Variants in PTER observed in about 807,000 individuals in gnomAD.
PTER encodes N-acetyltaurine hydrolase.
PTER carries 38 observed loss-of-function variants against 29.6 expected under a neutral mutation model. The ratio of observed to expected loss-of-function variants is 1.28; its 90% confidence interval spans 0.99 to 1.68. The LOEUF (loss-of-function observed/expected upper bound fraction) is 1.68, where lower values mean the gene tolerates loss of function less well. Ranked by LOEUF, PTER falls within the 40% of genes most tolerant of loss-of-function variation. The probability of loss-of-function intolerance (pLI) is 0.00; values close to 1 mark genes in which losing one functional copy is unlikely to be tolerated. For missense variants in PTER, 482 were observed against 427.8 expected (o/e 1.13, Z -1.12); for synonymous variants, 172 against 154.5 (o/e 1.11, Z -0.84).
rs556803644 is a variant in PTER, at chr10:16,482,018, T to C, written c.-48-2319T>C. 5.6e-4 allele frequency among the ~76,000 whole-genome samples: 86 copies of C among 152,318 alleles called. 1 individual carries two copies. Among genetic ancestry groups the C allele is most frequent in the African/African-American group, 1.9e-3 (77 of 41,584 alleles). ...ATTGCCCTGTATAGTGCCTGGCAGC[T>C]GTGTGGTGATTCTCTGAAGAGACAC... On this transcript the variant is annotated intron_variant, in intron 1 of 4. Transcript: ENST00000535784.
Position 16,484,650 on chromosome 10 carries a change from C to A in PTER, c.266C>A (p.Ala89Asp). Reference sequence around the variant, plus strand: ...AAGGAAGAACTGTTGTATTTTAAAGCTAATGGTGGAGGGGCTTTGGTGGAA... The same window carrying A: ...AAGGAAGAACTGTTGTATTTTAAAGATAATGGTGGAGGGGCTTTGGTGGAA... ...AIKEELLYFK[A>D]NGGGALVENT... The change falls in exon 2 of 5, where the codon GCT becomes GAT. Residue 89 changes from alanine to aspartate, a missense_variant. Physicochemically the swap from Ala to Asp is moderately radical, Grantham distance 126 (BLOSUM62 -2). Transcript: ENST00000535784. 1 of 1,614,102 alleles carries A rather than the reference C, an allele frequency of 6.2e-7. No individual in the cohort carries two copies. The highest frequency in any genetic ancestry group is 8.5e-7 in the Non-Finnish European group (1 of 1,180,008).
chr10:16,457,381 T>G (rs573400075), intron 1 of PTER, among the ~76,000 whole-genome samples: 31 of 151,746 alleles, frequency 2.0e-4, no homozygotes, highest in African/African-American at 7.5e-4. Context: ...CCCAGCTAAT[T>G]TTTTGTATTT....
At chr10:16,497,883 GTA>G (rs1251739152) in intron 3 of PTER, among the ~76,000 whole-genome samples, 1 of 151,852 alleles carries the variant, frequency 6.6e-6, no homozygotes, top group Non-Finnish European at 1.5e-5. Context: ...TATGATAACT[GTA>G]TTCTGACAAT....
chr10:16,459,143 C>A (rs1359088145), intron 1 of PTER, among the ~76,000 whole-genome samples: 1 of 152,154 alleles, frequency 6.6e-6, no homozygotes, highest in Non-Finnish European at 1.5e-5. Flanking sequence ...AATTTGCATT[C>A]TACAACACTT....
At chr10:16,493,067 C>G (rs1319482986) in intron 3 of PTER, among the ~76,000 whole-genome samples, 1 of 152,078 alleles carries the variant, frequency 6.6e-6, no homozygotes, top group Non-Finnish European at 1.5e-5. Flanking sequence ...TACCATATAC[C>G]AGACGTTGGG....
intron 1 of PTER, among the ~76,000 whole-genome samples, chr10:16,465,941 A>G (rs1043751306): frequency 6.6e-6 from 1 of 152,206 alleles, no homozygotes; most frequent in South Asian, 2.1e-4. Context: ...TATCATGAGA[A>G]CAGCATGGGG....
chr10:16,491,024 A>G (rs692375), intron 3 of PTER, among the ~76,000 whole-genome samples: 1 of 152,000 alleles, frequency 6.6e-6, no homozygotes, highest in East Asian at 1.9e-4. Flanking sequence ...TTTTCTGTTA[A>G]ACAATAAAGA....
At chr10:16,514,392 GGT>G (rs1836915786), downstream of PTER, 1 of 669,482 alleles carries the variant, frequency 1.5e-6, no homozygotes, top group African/African-American at 1.8e-5. Context: ...ATGTGAGTCA[GGT>G]AGCATTTGAT....
chr10:16,448,458 T>C (rs1834092127), intron 1 of PTER, among the ~76,000 whole-genome samples: 1 of 152,188 alleles, frequency 6.6e-6, no homozygotes, highest in Non-Finnish European at 1.5e-5. Context: ...CACTAAGCAT[T>C]GTGCCTCTTT....
intron 1 of PTER, among the ~76,000 whole-genome samples, chr10:16,475,797 T>A (rs558603506): frequency 2.3e-4 from 35 of 152,328 alleles, no homozygotes; most frequent in Non-Finnish European, 4.4e-4. Flanking sequence ...GTGATGTCAA[T>A]TGCAGCTGTC....
At chr10:16,472,093 A>T (rs1835075697) in intron 1 of PTER, among the ~76,000 whole-genome samples, 4 of 152,212 alleles carry the variant, frequency 2.6e-5, no homozygotes, top group African/African-American at 7.2e-5. Flanking sequence ...TTGGATTCCC[A>T]CAATATGACT....
intron 1 of PTER, among the ~76,000 whole-genome samples, chr10:16,465,874 G>A (rs1369390529): frequency 6.6e-6 from 1 of 152,158 alleles, no homozygotes; most frequent in Non-Finnish European, 1.5e-5. Context: ...GAGAGGGCAA[G>A]TGAGAGCAGG....
downstream of PTER, among the ~76,000 whole-genome samples, chr10:16,516,449 T>C (rs1296908499): frequency 1.3e-5 from 2 of 152,184 alleles, no homozygotes; most frequent in Non-Finnish European, 2.9e-5. Flanking sequence ...CATCTTTGGA[T>C]TTTTAATGGT....
chr10:16,487,393 G>A (rs1835743636), intron 3 of PTER, among the ~76,000 whole-genome samples: 1 of 152,160 alleles, frequency 6.6e-6, no homozygotes, highest in Admixed American at 6.5e-5. Flanking sequence ...TTTTGCCTCT[G>A]TCTTCGCATA....
At chr10:16,515,063 T>C (rs1229102084), downstream of PTER, among the ~76,000 whole-genome samples, 1 of 152,144 alleles carries the variant, frequency 6.6e-6, no homozygotes, top group Non-Finnish European at 1.5e-5. Flanking sequence ...AATAGTATTT[T>C]TTGCATTTTA....
intron 1 of PTER, among the ~76,000 whole-genome samples, chr10:16,456,869 G>GGGGGGGC (rs1554787530): frequency 6.7e-6 from 1 of 149,144 alleles, no homozygotes; most frequent in African/African-American, 2.5e-5. Flanking sequence ...AGGTGGGGGG[G>GGGGGGGC]GGTTCCGCCA....
intron 4 of PTER, among the ~76,000 whole-genome samples, chr10:16,507,699 A>T (rs1471078837): frequency 6.6e-6 from 1 of 152,248 alleles, no homozygotes; most frequent in Non-Finnish European, 1.5e-5. Flanking sequence ...TCAGTGTTGC[A>T]TTAGTTAAGT....
chr10:16,448,735 C>T (rs553830465), intron 1 of PTER, among the ~76,000 whole-genome samples: 4 of 152,286 alleles, frequency 2.6e-5, no homozygotes, highest in African/African-American at 7.2e-5. Context: ...AAAAAGCGAT[C>T]GGGGTCCCTC....
At chr10:16,447,587 A>C (rs1834061605) in intron 1 of PTER, among the ~76,000 whole-genome samples, 1 of 152,174 alleles carries the variant, frequency 6.6e-6, no homozygotes, top group African/African-American at 2.4e-5. Context: ...ATTTTTTATA[A>C]GTTGTTTCTA....
Sources: gnomAD v4.1 joint callset for allele counts (sites outside exome capture counted in the v4.1 genomes callset) on GRCh38, gnomAD v4.1.1 for gene constraint, MANE v1.5 for transcripts, NCBI Gene and HGNC (gene_info 2026-07-23, HGNC 2026-07-21) for gene names.